Variants in GPC6 observed in about 807,000 individuals in gnomAD.
GPC6 encodes the protein glypican-6.
GPC6 carries 14 observed loss-of-function variants against 55.2 expected under a neutral mutation model. The observed-to-expected ratio is 0.25, with a 90% confidence interval of 0.17 to 0.40. GPC6 has a LOEUF of 0.40. GPC6 is among the 10% of genes least tolerant of loss of function. The pLI, the probability that GPC6 is intolerant of heterozygous loss-of-function variation, is 1.00. For synonymous variants in GPC6, 278 were observed against 259.6 expected, an observed-to-expected ratio of 1.07 and a Z score of -0.68; for missense variants, 641 against 708.5, an observed-to-expected ratio of 0.90 and a Z score of 1.08.
chr13:93,626,903 G>A (rs536645031), intron 2 of GPC6, among the ~76,000 whole-genome samples: 1 of 152,096 alleles, frequency 6.6e-6, no homozygotes, highest in East Asian at 1.9e-4. Context: ...GACTGGGGAG[G>A]CCTCAGGAAA....
intron 1 of GPC6, among the ~76,000 whole-genome samples, chr13:93,305,553 A>G (rs1322947918): frequency 6.6e-6 from 1 of 152,192 alleles, no homozygotes; most frequent in Non-Finnish European, 1.5e-5. Context: ...TCTATCCATG[A>G]AAGAGCCACG....
intron 1 of GPC6, among the ~76,000 whole-genome samples, chr13:93,246,608 T>C (rs915624520): frequency 6.6e-6 from 1 of 151,862 alleles, no homozygotes; most frequent in Non-Finnish European, 1.5e-5. Flanking sequence ...CCATCCTGGC[T>C]TACACGGTGA....
At chr13:93,534,832 T>C (rs1881995197) in intron 1 of GPC6, among the ~76,000 whole-genome samples, 1 of 152,166 alleles carries the variant, frequency 6.6e-6, no homozygotes, top group South Asian at 2.1e-4. Flanking sequence ...TTCTTTCACA[T>C]TTACAGTTTC....
At chr13:93,600,971 A>G (rs1257327920) in intron 2 of GPC6, among the ~76,000 whole-genome samples, 2 of 151,526 alleles carry the variant, frequency 1.3e-5, no homozygotes, top group Non-Finnish European at 2.9e-5. Context: ...AAAAAAGAAA[A>G]AAAAAAAAAC....
At chr13:94,369,352 A>T (rs1292677765) in intron 6 of GPC6, among the ~76,000 whole-genome samples, 1 of 152,208 alleles carries the variant, frequency 6.6e-6, no homozygotes, top group Non-Finnish European at 1.5e-5. Flanking sequence ...TCCAGAGGAA[A>T]TAAAGGGTCC....
intron 1 of GPC6, among the ~76,000 whole-genome samples, chr13:93,299,408 T>C (rs1878600161): frequency 6.6e-6 from 1 of 152,136 alleles, no homozygotes; most frequent in East Asian, 1.9e-4. Context: ...TCAGAAAACA[T>C]GAAAATGTGG....
chr13:93,615,626 A>G (rs1014918917), intron 2 of GPC6, among the ~76,000 whole-genome samples: 2 of 152,124 alleles, frequency 1.3e-5, no homozygotes, highest in African/African-American at 2.4e-5. Flanking sequence ...ATTTATTCAC[A>G]TGGCATTTTC....
chr13:94,144,247 T>C (rs532218914), intron 4 of GPC6, among the ~76,000 whole-genome samples: 1 of 152,154 alleles, frequency 6.6e-6, no homozygotes, highest in Non-Finnish European at 1.5e-5. Context: ...ATGGAGACCA[T>C]ATTGTTTTTT....
chr13:94,271,029 G>A (rs868414392), intron 4 of GPC6, among the ~76,000 whole-genome samples: 29 of 130,790 alleles, frequency 2.2e-4, no homozygotes, highest in African/African-American at 7.2e-4. Context: ...TCGCTCTGTC[G>A]CCCAGGCTGG....
At chr13:93,897,012 A>C (rs891664790) in intron 3 of GPC6, among the ~76,000 whole-genome samples, 1 of 144,100 alleles carries the variant, frequency 6.9e-6, no homozygotes, top group Non-Finnish European at 1.5e-5. Flanking sequence ...ACATTTTCTT[A>C]TTGTAAAGGA....
At chr13:93,220,657 A>G in the GPC6 span, among the ~76,000 whole-genome samples, 1 of 152,166 alleles carries the variant, frequency 6.6e-6, no homozygotes, top group African/African-American at 2.4e-5. Context: ...CTGCTATGCA[A>G]TACACTTTCC....
At chr13:93,231,438 T>A (rs117499222) in intron 1 of GPC6, among the ~76,000 whole-genome samples, 1 of 135,724 alleles carries the variant, frequency 7.4e-6, no homozygotes. Context: ...TATATATATA[T>A]ATAGTCTGGT....
intron 3 of GPC6, among the ~76,000 whole-genome samples, chr13:93,875,701 AGG>A (rs1889272292): frequency 6.6e-6 from 1 of 152,100 alleles, no homozygotes; most frequent in African/African-American, 2.4e-5. Context: ...GACACCTGGC[AGG>A]TGCCCAATAA....
intron 4 of GPC6, among the ~76,000 whole-genome samples, chr13:94,284,342 C>CA (rs1376656593): frequency 5.9e-5 from 9 of 152,008 alleles, no homozygotes; most frequent in Non-Finnish European, 1.0e-4. Flanking sequence ...ACAGTGGCCT[C>CA]AAAAAATATT....
chr13:94,041,014 C>T (rs1244209956), intron 4 of GPC6, among the ~76,000 whole-genome samples: 1 of 151,822 alleles, frequency 6.6e-6, no homozygotes, highest in Non-Finnish European at 1.5e-5. Flanking sequence ...TTGTGCCATG[C>T]ATTGATTCCT....
At chr13:93,816,718 T>C (rs1214683395) in intron 2 of GPC6, among the ~76,000 whole-genome samples, 4 of 151,954 alleles carry the variant, frequency 2.6e-5, no homozygotes, top group African/African-American at 7.3e-5. Context: ...AATTAGACAA[T>C]GTACAGAGGA....
chr13:93,895,916 G>T (rs1346729300), intron 3 of GPC6, among the ~76,000 whole-genome samples: 1 of 152,000 alleles, frequency 6.6e-6, no homozygotes, highest in Non-Finnish European at 1.5e-5. Flanking sequence ...CAGCGGGGTT[G>T]GTTTAAGGGT....
chr13:93,268,947 C>G (rs554205351), intron 1 of GPC6, among the ~76,000 whole-genome samples: 1 of 152,266 alleles, frequency 6.6e-6, no homozygotes, highest in South Asian at 2.1e-4. Flanking sequence ...CTGACTGGAG[C>G]TTTGCCAAGG....
intron 1 of GPC6, among the ~76,000 whole-genome samples, chr13:93,361,387 A>G (rs1187808353): frequency 6.6e-6 from 1 of 151,840 alleles, no homozygotes; most frequent in African/African-American, 2.4e-5. Flanking sequence ...CTTCCCACAA[A>G]CCCCTAAGAT....
Sources: allele counts gnomAD v4.1 joint callset (sites outside exome capture counted in the v4.1 genomes callset), GRCh38; gene constraint gnomAD v4.1.1; transcripts MANE v1.5; gene names NCBI Gene and HGNC (gene_info 2026-07-23, HGNC 2026-07-21).